The following STAG1 variants were observed in gnomAD, a reference collection of about 807,000 sequenced individuals.
The protein encoded by STAG1 is STAG1 cohesin complex component, also known as cohesin subunit SA-1.
STAG1 carries 26 observed loss-of-function variants against 170.9 expected under a neutral mutation model. The ratio of observed to expected loss-of-function variants is 0.15; its 90% CI spans 0.11 to 0.21. STAG1 has a LOEUF of 0.21. Ranked by LOEUF, STAG1 falls within the 10% of genes least tolerant of loss-of-function variation. The probability of loss-of-function intolerance (pLI) is 1.00; values close to 1 mark genes in which losing one functional copy is unlikely to be tolerated. For synonymous variants in STAG1, 514 were observed against 497.7 expected (o/e 1.03, Z -0.44); for missense variants, 964 against 1,509.5 (o/e 0.64, Z 5.99).
intron 1 of STAG1, among the ~76,000 whole-genome samples, chr3:136,639,137 T>C (rs1019862803): frequency 7.0e-6 from 1 of 143,646 alleles, no homozygotes; most frequent in East Asian, 2.0e-4. Context: ...ATAAGAAAAG[T>C]GAGTCTGGGC....
intron 1 of STAG1, among the ~76,000 whole-genome samples, chr3:136,701,594 T>G (rs1236542487): frequency 2.0e-5 from 3 of 152,152 alleles, no homozygotes. Flanking sequence ...GCCCCCCGGA[T>G]GTAAATATGT....
intron 9 of STAG1, among the ~76,000 whole-genome samples, chr3:136,497,392 TG>T (rs756267936): frequency 3.9e-4 from 59 of 152,330 alleles, no homozygotes; most frequent in Non-Finnish European, 6.3e-4. Context: ...CATGATAATG[TG>T]GGCTTTATGC....
intron 4 of STAG1, among the ~76,000 whole-genome samples, chr3:136,576,099 T>C (rs1197125173): frequency 6.6e-6 from 1 of 152,194 alleles, no homozygotes; most frequent in Non-Finnish European, 1.5e-5. Flanking sequence ...GAAACAATTT[T>C]AATGTCTATA....
At chr3:136,630,803 G>T in intron 2 of STAG1, 67 bp downstream of exon 2, 1 of 1,117,078 alleles carries the variant, frequency 9.0e-7, no homozygotes, top group South Asian at 1.4e-5. Flanking sequence ...AGAGCATTTT[G>T]ATAAAGAAAT....
chr3:136,659,980 A>G (rs1456797296), intron 1 of STAG1, among the ~76,000 whole-genome samples: 1 of 152,212 alleles, frequency 6.6e-6, no homozygotes, highest in Non-Finnish European at 1.5e-5. Context: ...GGAGTTTCAG[A>G]ACAGCCTGCA....
At chr3:136,709,988 T>C (rs1487740387) in intron 1 of STAG1, among the ~76,000 whole-genome samples, 6 of 149,030 alleles carry the variant, frequency 4.0e-5, no homozygotes, top group Admixed American at 6.7e-5. Context: ...TCAGCCAAAA[T>C]TGCAACACTG....
Position 136,380,935 on chromosome 3 carries a change from G to A in STAG1, c.2278-3183C>T, listed in dbSNP as rs562494337. ...CTCAGGAAGCTGAGGCAAGAGAATCGCTTGAACCCAGGAGGTGGAGGTTGC... is the reference window on the plus strand; with the variant it reads ...CTCAGGAAGCTGAGGCAAGAGAATCACTTGAACCCAGGAGGTGGAGGTTGC... On this transcript the variant is annotated intron_variant, in intron 22 of 33. Coordinates refer to ENST00000383202, the MANE Select transcript of STAG1 (RefSeq NM_005862.3). 2.2e-4 allele frequency among the ~76,000 whole-genome samples: 33 copies of A among 150,640 alleles called. No homozygotes were observed. The South Asian group carries it at 3.2e-3, about 14-fold the overall frequency.
intron 1 of STAG1, among the ~76,000 whole-genome samples, chr3:136,640,063 G>T (rs1940733093): frequency 6.6e-6 from 1 of 152,110 alleles, no homozygotes; most frequent in South Asian, 2.1e-4. Flanking sequence ...GAAAGAATAT[G>T]TACCTATTGA....
At chr3:136,402,187 A>G (rs1026254710) in intron 21 of STAG1, among the ~76,000 whole-genome samples, 2 of 152,024 alleles carry the variant, frequency 1.3e-5, no homozygotes, top group Non-Finnish European at 2.9e-5. Context: ...GAACTAGTTG[A>G]GAGTTAGAGC....
intron 23 of STAG1, among the ~76,000 whole-genome samples, chr3:136,377,386 C>CAGAAAAAAAAA (rs540934813): frequency 2.3e-5 from 1 of 42,582 alleles, no homozygotes; most frequent in East Asian, 6.1e-4. Flanking sequence ...GACTCTGTCT[C>CAGAAAAAAAAA]AAAAAAAAAA....
chr3:136,417,660 A>G, intron 21 of STAG1: 1 of 423,832 alleles, frequency 2.4e-6, no homozygotes, highest in Non-Finnish European at 4.2e-6. Flanking sequence ...TTAACAGTAA[A>G]ATTTTTAAGA....
At chr3:136,701,514 C>T (rs1943060388) in intron 1 of STAG1, among the ~76,000 whole-genome samples, 1 of 152,080 alleles carries the variant, frequency 6.6e-6, no homozygotes, top group African/African-American at 2.4e-5. Context: ...TAATCAAAAG[C>T]AGCTCAGTAA....
chr3:136,557,537 T>A (rs1031678374), intron 5 of STAG1, among the ~76,000 whole-genome samples: 2 of 152,188 alleles, frequency 1.3e-5, no homozygotes, highest in African/African-American at 4.8e-5. Context: ...TTTTTAATTT[T>A]TATTTTCACT....
At chr3:136,531,435 A>T (rs1166954022) in intron 6 of STAG1, among the ~76,000 whole-genome samples, 3 of 150,580 alleles carry the variant, frequency 2.0e-5, no homozygotes, top group Non-Finnish European at 4.4e-5. Flanking sequence ...ACTATAAATC[A>T]TGCTGCTATA....
intron 5 of STAG1, among the ~76,000 whole-genome samples, chr3:136,558,722 A>G (rs1936723695): frequency 6.6e-6 from 1 of 152,240 alleles, no homozygotes; most frequent in Non-Finnish European, 1.5e-5. Flanking sequence ...GACATCATCC[A>G]GAAAAGTTGC....
At chr3:136,731,375 T>A (rs772063448) in intron 1 of STAG1, among the ~76,000 whole-genome samples, 73 of 152,288 alleles carry the variant, frequency 4.8e-4, no homozygotes, top group Admixed American at 1.7e-3. Context: ...TAGAAAAAGC[T>A]GGAAAAAGCA....
intron 13 of STAG1, among the ~76,000 whole-genome samples, chr3:136,464,342 G>A (rs1485855492): frequency 6.6e-6 from 1 of 152,082 alleles, no homozygotes; most frequent in African/African-American, 2.4e-5. Context: ...ATAATCGCTT[G>A]AACCTGGGAG....
At chr3:136,681,177 C>A (rs1214430071) in intron 1 of STAG1, among the ~76,000 whole-genome samples, 2 of 152,074 alleles carry the variant, frequency 1.3e-5, no homozygotes, top group African/African-American at 2.4e-5. Context: ...GATATAGAAC[C>A]CATGTACGAA....
chr3:136,375,496 G>A (rs1178456878), intron 23 of STAG1, among the ~76,000 whole-genome samples: 1 of 152,154 alleles, frequency 6.6e-6, no homozygotes, highest in Non-Finnish European at 1.5e-5. Context: ...ACTGCAGCAA[G>A]AGTCTTGGCA....
Sources: allele counts gnomAD v4.1 joint callset (sites outside exome capture counted in the v4.1 genomes callset), GRCh38; gene constraint gnomAD v4.1.1; transcripts MANE v1.5; gene names NCBI Gene and HGNC (gene_info 2026-07-23, HGNC 2026-07-21).